PPP2R2B: variants seen among roughly 807,000 people sequenced by gnomAD.
PPP2R2B encodes the protein serine/threonine-protein phosphatase 2A 55 kDa regulatory subunit B beta isoform.
PPP2R2B carries 5 observed loss-of-function variants against 46.0 expected under a neutral mutation model. That is an observed-to-expected ratio of 0.11 (90% CI 0.06 to 0.23). The LOEUF is 0.23. Among genes scored for constraint, PPP2R2B ranks in the 10% least tolerant of loss-of-function variants. The pLI is 1.00. For missense variants in PPP2R2B, 367 were observed against 575.0 expected (o/e 0.64, Z 3.70); for synonymous variants, 215 against 206.7 (o/e 1.04, Z -0.34).
chr5:146,867,323 C>T (rs1761368945), intron 2 of PPP2R2B, among the ~76,000 whole-genome samples: 1 of 152,142 alleles, frequency 6.6e-6, no homozygotes, highest in African/African-American at 2.4e-5. Flanking sequence ...AAAAATATTA[C>T]AACCCCTAAT....
chr5:147,079,432 T>TG, intron 2 of PPP2R2B, among the ~76,000 whole-genome samples: 1 of 90,782 alleles, frequency 1.1e-5, no homozygotes, highest in East Asian at 3.2e-4. Context: ...CACACACACA[T>TG]TTTATATATA....
At chr5:146,805,317 A>T (rs1757111088) in intron 2 of PPP2R2B, among the ~76,000 whole-genome samples, 1 of 152,210 alleles carries the variant, frequency 6.6e-6, no homozygotes, top group African/African-American at 2.4e-5. Flanking sequence ...TGCTGACTCA[A>T]GGAACATTCA....
intron 2 of PPP2R2B, among the ~76,000 whole-genome samples, chr5:146,761,812 G>A (rs1436522291): frequency 1.3e-5 from 2 of 152,210 alleles, no homozygotes; most frequent in African/African-American, 2.4e-5. Flanking sequence ...GGTGCCTGGT[G>A]TGTAACATGT....
chr5:146,733,593 G>T lies in PPP2R2B; in HGVS notation c.71-32451C>A, dbSNP rs183658403. Reference sequence around the variant, plus strand: ...CAGGATACTGAATTCCCATATTAAAGTTGTTCTAAGCTTGGGCTAGAGCTT... The same window carrying T: ...CAGGATACTGAATTCCCATATTAAATTTGTTCTAAGCTTGGGCTAGAGCTT... On this transcript the variant is annotated intron_variant, in intron 2 of 9. Transcript: ENST00000394411. 9.9e-5 allele frequency among the ~76,000 whole-genome samples: 15 copies of T among 152,276 alleles called. No homozygotes were observed. In the East Asian group the frequency reaches 2.9e-3, roughly 29 times the overall value.
intron 1 of PPP2R2B, among the ~76,000 whole-genome samples, chr5:147,027,182 C>T (rs186057024): frequency 7.6e-4 from 115 of 152,212 alleles, no homozygotes; most frequent in African/African-American, 2.1e-3. Flanking sequence ...CAAAAAGGAA[C>T]GCATACAATA....
chr5:146,916,616 T>C (rs1007658184), intron 1 of PPP2R2B, among the ~76,000 whole-genome samples: 1 of 152,146 alleles, frequency 6.6e-6, no homozygotes, highest in Non-Finnish European at 1.5e-5. Flanking sequence ...CTAAACTGTA[T>C]TGACTTCCCT....
intron 2 of PPP2R2B, among the ~76,000 whole-genome samples, chr5:146,731,158 T>C (rs934601162): frequency 1.3e-5 from 2 of 152,346 alleles, no homozygotes; most frequent in South Asian, 2.1e-4. Context: ...AAATAAAATG[T>C]TGTATGTGTG....
chr5:146,619,989 A>G (rs373143287), intron 7 of PPP2R2B, among the ~76,000 whole-genome samples: 2 of 152,214 alleles, frequency 1.3e-5, no homozygotes, highest in South Asian at 4.1e-4. Flanking sequence ...CCCCACAGAA[A>G]GGCAACACCA....
intron 1 of PPP2R2B, among the ~76,000 whole-genome samples, chr5:146,980,926 C>T (rs1397771257): frequency 6.6e-6 from 1 of 151,470 alleles, no homozygotes; most frequent in Non-Finnish European, 1.5e-5. Flanking sequence ...GGAGGAGGAC[C>T]TTTAAACATT....
intron 2 of PPP2R2B, among the ~76,000 whole-genome samples, chr5:146,789,252 G>C (rs114439857): frequency 2.6e-5 from 4 of 152,090 alleles, no homozygotes; most frequent in Non-Finnish European, 4.4e-5. Context: ...CCAAAAACTT[G>C]GGGGGCAAAT....
chr5:146,692,977 C>T (rs540507301), intron 4 of PPP2R2B, among the ~76,000 whole-genome samples: 16 of 152,206 alleles, frequency 1.1e-4, no homozygotes, highest in African/African-American at 3.4e-4. Flanking sequence ...ACTTGGTTGC[C>T]TTCTTTGTAT....
intron 1 of PPP2R2B, chr5:147,035,176 C>T (rs532596502): frequency 8.8e-6 from 4 of 452,156 alleles, no homozygotes; most frequent in African/African-American, 4.0e-5. Context: ...CACAGTTCTG[C>T]ATGGCTGGGG....
chr5:146,750,499 A>G (rs927067166), intron 2 of PPP2R2B, among the ~76,000 whole-genome samples: 9 of 152,232 alleles, frequency 5.9e-5, no homozygotes, highest in Admixed American at 1.3e-4. Context: ...GGCCGCATGT[A>G]TCAGGTTTAA....
intron 6 of PPP2R2B, among the ~76,000 whole-genome samples, chr5:146,648,965 T>C (rs1380175627): frequency 2.0e-5 from 3 of 152,190 alleles, no homozygotes; most frequent in Non-Finnish European, 4.4e-5. Context: ...ATTCTGAGTT[T>C]AGTGGGAAGC....
At chr5:146,628,071 A>C (rs888587455) in intron 7 of PPP2R2B, among the ~76,000 whole-genome samples, 2 of 151,830 alleles carry the variant, frequency 1.3e-5, no homozygotes, top group African/African-American at 4.8e-5. Context: ...CAGCCTCCTG[A>C]GTAGTGGGGA....
At chr5:146,625,899 G>A (rs78280023) in intron 7 of PPP2R2B, among the ~76,000 whole-genome samples, 246 of 152,284 alleles carry the variant, frequency 1.6e-3, no homozygotes, top group African/African-American at 5.6e-3. Context: ...GAGACAGAGA[G>A]ATGTGATATG....
intron 5 of PPP2R2B, among the ~76,000 whole-genome samples, chr5:146,686,634 T>A (rs577206259): frequency 6.6e-6 from 1 of 152,246 alleles, no homozygotes; most frequent in East Asian, 1.9e-4. Flanking sequence ...CACATCACCT[T>A]CATTTTGGGA....
intron 2 of PPP2R2B, among the ~76,000 whole-genome samples, chr5:147,074,485 A>C (rs562246099): frequency 2.1e-4 from 32 of 152,328 alleles, no homozygotes; most frequent in African/African-American, 7.0e-4. Flanking sequence ...CTAAACATCT[A>C]AACATCTAAG....
At chr5:146,801,117 A>ATG (rs1756840229) in intron 2 of PPP2R2B, among the ~76,000 whole-genome samples, 1 of 152,150 alleles carries the variant, frequency 6.6e-6, no homozygotes, top group South Asian at 2.1e-4. Context: ...TATATGTGGA[A>ATG]TCTAAAATAG....
Sources: allele counts gnomAD v4.1 joint callset (sites outside exome capture counted in the v4.1 genomes callset), GRCh38; gene constraint gnomAD v4.1.1; transcripts MANE v1.5; gene names NCBI Gene and HGNC (gene_info 2026-07-23, HGNC 2026-07-21).